Variants in RAP1GAP2 observed in about 807,000 individuals in gnomAD.
RAP1GAP2 encodes RAP1 GTPase activating protein 2, also known as rap1 GTPase-activating protein 2.
Under a neutral mutation model 95.0 loss-of-function variants are expected in RAP1GAP2, and 27 were observed. The observed-to-expected ratio is 0.28, with a 90% CI of 0.21 to 0.39. The LOEUF (loss-of-function observed/expected upper bound fraction) is 0.39. Among genes scored for constraint, RAP1GAP2 ranks in the 10% least tolerant of loss-of-function variants. The pLI, the probability that RAP1GAP2 is intolerant of heterozygous loss-of-function variation, is 1.00. For synonymous variants in RAP1GAP2, 373 were observed against 380.9 expected, an observed-to-expected ratio of 0.98 and a Z score of 0.24; for missense variants, 771 against 970.0, an observed-to-expected ratio of 0.79 and a Z score of 2.72.
At chr17:2,854,217 C>T (rs372603713) in intron 2 of RAP1GAP2, 1 of 908,486 alleles carries the variant, frequency 1.1e-6, no homozygotes, top group South Asian at 5.0e-5. Context: ...AAAAAGCCTC[C>T]TCTCCAGGTA....
In RAP1GAP2 at chr17:2,891,809, CTTTTCTTTT is replaced by C. The variant is rs2073726717; in HGVS notation, c.81-13470_81-13462del. On this transcript the variant is annotated intron_variant, in intron 2 of 24. Transcript: ENST00000254695. ...TCTGATGATATGCAGATTCATATTT[CTTTTCTTTT>C]TTTTTTTTTTTTTTTTTTTTTTGAG... Among the ~76,000 whole-genome samples, 6 of 58,030 alleles carry C rather than the reference CTTTTCTTTT, an allele frequency of 1.0e-4. 1 individual carries two copies. Among genetic ancestry groups the C allele is most frequent in the Middle Eastern group, 0.014 (1 of 74 alleles). The allele number at this position is 58,030 out of a possible 152,430, so 38.1% of individuals were successfully genotyped here.
At chr17:2,756,737 C>T (rs914461043) in intron 1 of RAP1GAP2, among the ~76,000 whole-genome samples, 2 of 152,154 alleles carry the variant, frequency 1.3e-5, no homozygotes, top group African/African-American at 4.8e-5. Flanking sequence ...GCAACGTGGG[C>T]TTCCCCAGCA....
At chr17:3,007,065 G>T (rs2046366247) in intron 16 of RAP1GAP2, among the ~76,000 whole-genome samples, 1 of 152,132 alleles carries the variant, frequency 6.6e-6, no homozygotes, top group African/African-American at 2.4e-5. Flanking sequence ...AGGGAGGGCT[G>T]ATCTGGCATG....
chr17:2,761,583 C>T (rs1198730438), intron 1 of RAP1GAP2, among the ~76,000 whole-genome samples: 5 of 151,818 alleles, frequency 3.3e-5, no homozygotes, highest in East Asian at 1.9e-4. Flanking sequence ...GCACCGCACC[C>T]GGCCAGGGGG....
chr17:2,826,970 C>A (rs1315989704), intron 2 of RAP1GAP2, among the ~76,000 whole-genome samples: 2 of 152,104 alleles, frequency 1.3e-5, no homozygotes, highest in Non-Finnish European at 2.9e-5. Context: ...GACACCACTG[C>A]ACTTCAGCCT....
chr17:2,949,822 C>T (rs562254332), intron 3 of RAP1GAP2, among the ~76,000 whole-genome samples: 2 of 152,338 alleles, frequency 1.3e-5, no homozygotes, highest in East Asian at 1.9e-4. Context: ...GAGACTCACT[C>T]CCTGCCAACT....
chr17:2,909,474 A>T (rs1281178101), intron 3 of RAP1GAP2, among the ~76,000 whole-genome samples: 1 of 151,970 alleles, frequency 6.6e-6, no homozygotes, highest in East Asian at 1.9e-4. Flanking sequence ...AGTGTGAGGA[A>T]ATGTGGAAAG....
intron 1 of RAP1GAP2, among the ~76,000 whole-genome samples, chr17:2,789,781 GAAAAA>G (rs35791780): frequency 3.8e-3 from 274 of 71,980 alleles, no homozygotes; most frequent in Non-Finnish European, 5.3e-3. Context: ...GACTCCATCT[GAAAAA>G]AAAAAAAAAA....
At chr17:2,981,770 A>G (rs2045366915) in intron 10 of RAP1GAP2, among the ~76,000 whole-genome samples, 1 of 152,220 alleles carries the variant, frequency 6.6e-6, no homozygotes, top group South Asian at 2.1e-4. Flanking sequence ...AATTGGCCTG[A>G]TACTGACCCC....
upstream of RAP1GAP2, chr17:2,776,986 G>T: frequency 6.5e-6 from 1 of 152,814 alleles, no homozygotes; most frequent in South Asian, 1.9e-4. Flanking sequence ...AGCCAGCCTG[G>T]ATCGGGACGT....
At chr17:2,812,315 G>T (rs181838869) in intron 2 of RAP1GAP2, among the ~76,000 whole-genome samples, 17 of 152,268 alleles carry the variant, frequency 1.1e-4, no homozygotes, top group Middle Eastern at 3.4e-3. Context: ...TCTGTCACTG[G>T]GTTGAGAAGC....
At chr17:2,859,112 T>C (rs1362074562) in intron 2 of RAP1GAP2, among the ~76,000 whole-genome samples, 1 of 147,930 alleles carries the variant, frequency 6.8e-6, no homozygotes, top group Non-Finnish European at 1.5e-5. Flanking sequence ...CCAACTCTTT[T>C]TTTTTTTTTT....
rs954914443 is a variant in RAP1GAP2 at position 2,829,991 on chromosome 17, G to A, written c.80+29441G>A. The stretch of plus-strand genomic sequence containing the variant: ...CTTTACTTTTTCCTCTAAAGTTAAA[G>A]TTTACAGTATTTTATTTTGTTGTGG... On this transcript the variant is annotated intron_variant, in intron 2 of 24. Transcript: ENST00000254695. 7.2e-5 allele frequency among the ~76,000 whole-genome samples: 11 copies of A among 152,158 alleles called. No homozygotes were observed. The South Asian group carries it at 1.2e-3, about 17-fold the overall frequency.
At chr17:2,889,889 A>ATTTTTTTTTTTTTTT (rs3039128) in intron 2 of RAP1GAP2, among the ~76,000 whole-genome samples, 1 of 57,324 alleles carries the variant, frequency 1.7e-5, no homozygotes, top group Non-Finnish European at 3.1e-5. Flanking sequence ...ATATATATAT[A>ATTTTTTTTTTTTTTT]TTTTTTTTTT....
chr17:2,836,185 C>G (rs1488550051), intron 2 of RAP1GAP2, among the ~76,000 whole-genome samples: 1 of 152,012 alleles, frequency 6.6e-6, no homozygotes, highest in African/African-American at 2.4e-5. Context: ...TTGTTCCCTC[C>G]TGTGTTTCCT....
chr17:2,862,523 C>T (rs1020683954), intron 2 of RAP1GAP2, among the ~76,000 whole-genome samples: 1 of 152,008 alleles, frequency 6.6e-6, no homozygotes, highest in African/African-American at 2.4e-5. Context: ...CCCCCACGCC[C>T]CCCAACTCCC....
Position 2,801,597 on chromosome 17 carries a change from A to ATGTGTGTGTGTG in RAP1GAP2, c.80+1088_80+1099dup, listed in dbSNP as rs71150898. Reference sequence around the variant, plus strand: ...AGGACCTGACTAAACACTCCAGGGTATGTGTGTGTGTGTGTGTGTGTGTGT... The same window carrying ATGTGTGTGTGTG: ...AGGACCTGACTAAACACTCCAGGGTATGTGTGTGTGTGTGTGTGTGTGTGTGTGTGTGTGTGT... On this transcript the variant is annotated intron_variant, in intron 2 of 24. Coordinates refer to ENST00000254695, the MANE Select transcript of RAP1GAP2 (RefSeq NM_015085.5). Among the ~76,000 whole-genome samples, 513 of 121,888 alleles carry ATGTGTGTGTGTG rather than the reference A, an allele frequency of 4.2e-3. 7 individuals carry two copies. Among genetic ancestry groups the ATGTGTGTGTGTG allele is most frequent in the Non-Finnish European group, 4.7e-3 (273 of 58,558 alleles). The allele number at this position is 121,888 out of a possible 152,430, so 80.0% of individuals were successfully genotyped here. A position where few individuals can be genotyped will look rare whatever the true frequency, so the allele number is the denominator to read the frequency against.
Position 2,963,344 on chromosome 17 carries a change from A to T in RAP1GAP2, c.247-86A>T. On this transcript the variant is annotated intron_variant, in intron 5 of 24. Coordinates refer to ENST00000254695, the MANE Select transcript of RAP1GAP2 (RefSeq NM_015085.5). This position sits in a 1 kb window ranked among gnomAD's most constrained non-coding sequence, Gnocchi z 4.8. ...CTCCCTCAAAGCCCCCCCACAACAT[A>T]TCCCCCTTGCAAGACCTGGAAACAG... 6 of 1,004,554 alleles carry T rather than the reference A, an allele frequency of 6.0e-6. No homozygotes were observed. Among genetic ancestry groups the T allele is most frequent in the Non-Finnish European group, 7.5e-6 (5 of 664,248 alleles). The allele number at this position is 1,004,554 out of a possible 1,614,324, so 62.2% of individuals were successfully genotyped here. A position where few individuals can be genotyped will look rare whatever the true frequency, so the allele number is the denominator to read the frequency against.
chr17:2,830,889 C>T (rs1597391129), intron 2 of RAP1GAP2, among the ~76,000 whole-genome samples: 1 of 150,804 alleles, frequency 6.6e-6, no homozygotes. Context: ...CTTTCCAGTG[C>T]TTCTTTATTC....
Sources: allele counts gnomAD v4.1 joint callset (sites outside exome capture counted in the v4.1 genomes callset), GRCh38; gene constraint gnomAD v4.1.1; non-coding constraint Gnocchi (gnomAD v3.1); transcripts MANE v1.5; gene names NCBI Gene and HGNC (gene_info 2026-07-23, HGNC 2026-07-21).